Variants in MVB12B observed in about 807,000 individuals in gnomAD.
The protein encoded by MVB12B is multivesicular body subunit 12B, also known as ESCRT-I complex subunit MVB12B.
A neutral mutation model predicts 41.6 loss-of-function variants in MVB12B; 16 were observed. The observed-to-expected ratio is 0.38, with a 90% CI of 0.26 to 0.58. The LOEUF is 0.58. Among genes scored for constraint, MVB12B ranks in the 20% least tolerant of loss-of-function variants. MVB12B has a pLI of 0.62. For missense variants in MVB12B, 274 were observed against 380.2 expected, an observed-to-expected ratio of 0.72 and a Z score of 2.32; for synonymous variants, 133 against 139.7, an observed-to-expected ratio of 0.95 and a Z score of 0.34.
chr9:126,484,245 C>G (rs928739715), intron 9 of MVB12B, among the ~76,000 whole-genome samples: 5 of 152,260 alleles, frequency 3.3e-5, no homozygotes, highest in Admixed American at 2.6e-4. Context: ...TCAAATATGA[C>G]CCACATCTTG....
At chr9:126,419,506 G>T (rs1831935644) in intron 6 of MVB12B, among the ~76,000 whole-genome samples, 1 of 152,192 alleles carries the variant, frequency 6.6e-6, no homozygotes, top group Admixed American at 6.5e-5. Context: ...GCGTTGTGAG[G>T]AGCCATAGGA....
intron 1 of MVB12B, among the ~76,000 whole-genome samples, chr9:126,339,110 C>G (rs531599): frequency 0.19 from 28,675 of 152,216 alleles, 2,805 homozygotes; most frequent in Middle Eastern, 0.23. Flanking sequence ...TAGCCTTGAT[C>G]GAGGACTCAG....
In MVB12B at chr9:126,376,035, G is replaced by A. The variant is rs78568218; in HGVS notation, c.205-5029G>A. ...AACACAGAGGCTCCCCCTCCCCTCC[G>A]GTTTTTATTTTAAAAGTTCTTTCTG... On this transcript the variant is annotated intron_variant, in intron 2 of 9. Coordinates refer to ENST00000361171, the MANE Select transcript of MVB12B (RefSeq NM_033446.3). The surrounding 1 kb of genome is among the most constrained non-coding windows in gnomAD (Gnocchi z 4.1). Among the ~76,000 whole-genome samples, 1,632 of 152,044 alleles carry A rather than the reference G, an allele frequency of 0.011. 50 individuals are homozygous for A. Among genetic ancestry groups the A allele is most frequent in the East Asian group, 0.069 (354 of 5,164 alleles).
chr9:126,449,625 G>T (rs1832854729), intron 7 of MVB12B, among the ~76,000 whole-genome samples: 1 of 152,198 alleles, frequency 6.6e-6, no homozygotes, highest in South Asian at 2.1e-4. Context: ...CCTGGACAGG[G>T]CTGGCCTGGG....
intron 9 of MVB12B, among the ~76,000 whole-genome samples, chr9:126,488,448 C>T (rs1833667387): frequency 6.6e-6 from 1 of 152,096 alleles, no homozygotes; most frequent in Non-Finnish European, 1.5e-5. Context: ...CAGAACATCT[C>T]CCCAGGCTCG....
In MVB12B at chr9:126,326,902, G is replaced by C; in HGVS notation, c.-28G>C. 4.3e-6 allele frequency: 1 copy of C among 230,954 alleles called. No homozygotes were observed. The highest frequency in any genetic ancestry group is 8.7e-6 in the Non-Finnish European group (1 of 115,536). The allele number at this position is 230,954 out of a possible 1,614,324, so 14.3% of individuals were successfully genotyped here. Reference sequence around the variant, plus strand: ...CCGGCTCCTGCCGCCTGGGCCCCGGGCCCGGCCCCTCCCGCGCCGCCCGGG... The same window carrying C: ...CCGGCTCCTGCCGCCTGGGCCCCGGCCCCGGCCCCTCCCGCGCCGCCCGGG... On this transcript the variant is annotated 5_prime_UTR_variant, in exon 1 of 10. Coordinates refer to ENST00000361171, the MANE Select transcript of MVB12B (RefSeq NM_033446.3).
At chr9:126,380,056 C>T (rs1437216689) in intron 2 of MVB12B, among the ~76,000 whole-genome samples, 3 of 152,196 alleles carry the variant, frequency 2.0e-5, no homozygotes, top group Non-Finnish European at 4.4e-5. Context: ...AGACCTCCTG[C>T]AGAGTTTATC....
chr9:126,415,998 G>T (rs1011600004), intron 6 of MVB12B, among the ~76,000 whole-genome samples: 1 of 152,228 alleles, frequency 6.6e-6, no homozygotes, highest in African/African-American at 2.4e-5. Context: ...AACAAAAGCG[G>T]CTACTGAGGT....
intron 7 of MVB12B, among the ~76,000 whole-genome samples, chr9:126,443,900 G>A (rs936048982): frequency 2.6e-5 from 4 of 152,240 alleles, no homozygotes; most frequent in African/African-American, 9.6e-5. Context: ...CCAGTCCCTG[G>A]CAGTCACTTG....
intron 1 of MVB12B, among the ~76,000 whole-genome samples, chr9:126,328,399 C>T (rs1829040718): frequency 6.6e-6 from 1 of 152,194 alleles, no homozygotes. Flanking sequence ...AGGTTCAAGG[C>T]ATTTTTCTTG....
chr9:126,495,622 G>A (rs1015032249), intron 9 of MVB12B, among the ~76,000 whole-genome samples: 3 of 152,152 alleles, frequency 2.0e-5, no homozygotes, highest in African/African-American at 7.2e-5. Flanking sequence ...TAGGGAGTGC[G>A]GGGTACTGTG....
chr9:126,492,136 A>G lies in MVB12B; in HGVS notation c.873+8104A>G, dbSNP rs551990924. Among the ~76,000 whole-genome samples the G allele has an allele frequency of 3.5e-4, 51 of 146,920 alleles. No homozygotes were observed. In the East Asian group the frequency reaches 9.6e-3, roughly 28 times the overall value. On this transcript the variant is annotated intron_variant, in intron 9 of 9. Coordinates refer to ENST00000361171, the MANE Select transcript of MVB12B (RefSeq NM_033446.3). ...GGCACGTGCACACACACACACACAC[A>G]CGCTCAGCAGGCTCATGCAGTACTG...
intron 9 of MVB12B, among the ~76,000 whole-genome samples, chr9:126,499,781 A>G (rs957550561): frequency 4.5e-4 from 68 of 152,152 alleles, no homozygotes; most frequent in African/African-American, 1.5e-3. Flanking sequence ...ATCCCGAGGG[A>G]GAGAGGGTGG....
At chr9:126,338,380 CTGT>C (rs1381893760) in intron 1 of MVB12B, among the ~76,000 whole-genome samples, 1 of 152,238 alleles carries the variant, frequency 6.6e-6, no homozygotes, top group Non-Finnish European at 1.5e-5. Flanking sequence ...GACCCTCCTG[CTGT>C]TGAGAGCGGA....
intron 2 of MVB12B, among the ~76,000 whole-genome samples, chr9:126,374,173 A>G (rs951491611): frequency 6.6e-6 from 1 of 152,202 alleles, no homozygotes; most frequent in African/African-American, 2.4e-5. Context: ...AAACATGTCA[A>G]TAACGCTCAT....
chr9:126,332,982 G>C (rs945514091), intron 1 of MVB12B, among the ~76,000 whole-genome samples: 2 of 152,256 alleles, frequency 1.3e-5, no homozygotes, highest in Middle Eastern at 3.2e-3. Context: ...ACATACGTGT[G>C]CTAAGACTAC....
intron 3 of MVB12B, among the ~76,000 whole-genome samples, chr9:126,384,533 G>GTA (rs147743081): frequency 0.018 from 2,681 of 151,538 alleles, 67 homozygotes; most frequent in East Asian, 0.068. Flanking sequence ...ATGTGTGTGT[G>GTA]TATATATATA....
intron 6 of MVB12B, chr9:126,397,091 C>T (rs778546463): frequency 3.6e-5 from 35 of 985,516 alleles, no homozygotes; most frequent in Non-Finnish European, 4.2e-5. Flanking sequence ...AGGCCCATCA[C>T]TTGTACTTGG....
At chr9:126,348,400 G>A (rs542082060) in intron 2 of MVB12B, among the ~76,000 whole-genome samples, 1 of 152,320 alleles carries the variant, frequency 6.6e-6, no homozygotes, top group East Asian at 1.9e-4. Context: ...CATCCACGAG[G>A]TGTGCAGGAG....
Sources: gnomAD v4.1 joint callset for allele counts (sites outside exome capture counted in the v4.1 genomes callset) on GRCh38, gnomAD v4.1.1 for gene constraint, Gnocchi (gnomAD v3.1) non-coding constraint, MANE v1.5 for transcripts, NCBI Gene and HGNC (gene_info 2026-07-23, HGNC 2026-07-21) for gene names.